The following TNNI3K variants were observed in gnomAD, a reference collection of about 807,000 sequenced individuals.
TNNI3K encodes TNNI3 interacting kinase.
Under a neutral mutation model 114.5 loss-of-function variants are expected in TNNI3K, and 140 were observed. The ratio of observed to expected loss-of-function variants is 1.22; its 90% CI spans 1.07 to 1.41. The LOEUF is 1.41. Ranked by LOEUF, TNNI3K falls within the 40% of genes most tolerant of loss-of-function variation. The probability of loss-of-function intolerance (pLI) is 0.00; values close to 1 mark genes in which losing one functional copy is unlikely to be tolerated. For missense variants in TNNI3K, 1,125 were observed against 1,007.6 expected (o/e 1.12, Z -1.58); for synonymous variants, 347 against 347.5 (o/e 1.00, Z 0.02).
At chr1:74,409,059 T>C (rs1040492464) in intron 17 of TNNI3K, among the ~76,000 whole-genome samples, 1 of 152,128 alleles carries the variant, frequency 6.6e-6, no homozygotes, top group Non-Finnish European at 1.5e-5. Context: ...TAAAATTACA[T>C]TGTCATGGCA....
In TNNI3K at chr1:74,456,994, A is replaced by G. The variant is rs145621043; in HGVS notation, c.2012-6447A>G. ...TTTACTACCCCTCCTTAAATATTAG[A>G]TGATTATGTCCTTTTCCACATATTA... On this transcript the variant is annotated intron_variant, in intron 20 of 24. Coordinates refer to ENST00000326637, the MANE Select transcript of TNNI3K (RefSeq NM_015978.3). Among the ~76,000 whole-genome samples the G allele has an allele frequency of 8.6e-3, 1,309 of 152,274 alleles. 22 individuals carry two copies. Among genetic ancestry groups the G allele is most frequent in the African/African-American group, 0.03 (1,231 of 41,560 alleles).
At chr1:74,362,581 G>A (rs1662025582) in intron 11 of TNNI3K, among the ~76,000 whole-genome samples, 1 of 152,034 alleles carries the variant, frequency 6.6e-6, no homozygotes, top group Non-Finnish European at 1.5e-5. Flanking sequence ...AACCTTATAG[G>A]GAGATAAATT....
intron 21 of TNNI3K, among the ~76,000 whole-genome samples, chr1:74,476,374 ATC>A (rs1477296221): frequency 6.6e-6 from 1 of 152,114 alleles, no homozygotes; most frequent in East Asian, 1.9e-4. Context: ...TATCCTCATT[ATC>A]TGTCTATCAC....
chr1:74,250,481 G>A (rs544354683), intron 3 of TNNI3K, among the ~76,000 whole-genome samples, 191 bp from the exon 4 acceptor site: 3 of 152,256 alleles, frequency 2.0e-5, no homozygotes, highest in African/African-American at 7.2e-5. Context: ...TTTGAATAAA[G>A]TTTTATAAAT....
intron 2 of TNNI3K, among the ~76,000 whole-genome samples, chr1:74,237,885 A>C (rs1653952339): frequency 6.6e-6 from 1 of 151,992 alleles, no homozygotes. Context: ...TGTGCCGAAT[A>C]ATATTAACTC....
rs141501124 is a variant in TNNI3K, at chr1:74,277,279, A to G, written c.444+5571A>G. On this transcript the variant is annotated intron_variant, in intron 5 of 24. Transcript: ENST00000326637. ...TACATGGGCATTCAGATGATAAATA[A>G]ATAAGCTGGATGGGACTCCAACCTG... Among the ~76,000 whole-genome samples the G allele has an allele frequency of 8.3e-4, 127 of 152,236 alleles. 2 individuals carry two copies. The East Asian group carries it at 0.021, about 25-fold the overall frequency.
intron 4 of TNNI3K, among the ~76,000 whole-genome samples, chr1:74,258,904 A>G (rs949490172): frequency 3.3e-5 from 5 of 152,218 alleles, no homozygotes; most frequent in Admixed American, 2.0e-4. Flanking sequence ...CTAGGAATCT[A>G]AATTTTTAAC....
chr1:74,518,385 ACAG>A (rs1344090400), intron 23 of TNNI3K, among the ~76,000 whole-genome samples: 1 of 152,110 alleles, frequency 6.6e-6, no homozygotes, highest in Non-Finnish European at 1.5e-5. Context: ...TGAGATTTCC[ACAG>A]CATTTTCGTT....
chr1:74,449,631 A>T (rs543515571), intron 20 of TNNI3K, among the ~76,000 whole-genome samples: 1 of 151,862 alleles, frequency 6.6e-6, no homozygotes, highest in East Asian at 1.9e-4. Flanking sequence ...CAGACTTTAA[A>T]CCAACAAAGA....
intron 20 of TNNI3K, among the ~76,000 whole-genome samples, chr1:74,457,753 G>C (rs775157665): frequency 6.6e-6 from 1 of 151,992 alleles, no homozygotes; most frequent in Non-Finnish European, 1.5e-5. Flanking sequence ...GTTACTTTAG[G>C]GATTGAGAAT....
chr1:74,516,812 G>A (rs1408712212), intron 23 of TNNI3K, among the ~76,000 whole-genome samples: 7 of 152,118 alleles, frequency 4.6e-5, no homozygotes, highest in Admixed American at 3.9e-4. Flanking sequence ...ACAAGTTAAG[G>A]CAGCTTACTT....
intron 23 of TNNI3K, among the ~76,000 whole-genome samples, chr1:74,504,414 C>A (rs926471661): frequency 1.3e-5 from 2 of 152,202 alleles, no homozygotes; most frequent in East Asian, 3.9e-4. Flanking sequence ...GACTTCACGC[C>A]GAACAAAGGT....
intron 5 of TNNI3K, among the ~76,000 whole-genome samples, chr1:74,329,054 G>A (rs1348882725): frequency 1.3e-5 from 2 of 152,094 alleles, no homozygotes; most frequent in East Asian, 3.9e-4. Flanking sequence ...ACTGACAGAT[G>A]GCTTCTTCCT....
chr1:74,324,221 C>A (rs1387077531), intron 5 of TNNI3K, among the ~76,000 whole-genome samples: 2 of 152,198 alleles, frequency 1.3e-5, no homozygotes, highest in East Asian at 1.9e-4. Flanking sequence ...TATTTACAGA[C>A]CTCCTTGTGG....
At chr1:74,527,882 G>A (rs1020833696) in intron 23 of TNNI3K, among the ~76,000 whole-genome samples, 2 of 152,224 alleles carry the variant, frequency 1.3e-5, no homozygotes, top group Admixed American at 1.3e-4. Context: ...GAATGTCTAT[G>A]TGGTGGATGG....
chr1:74,532,454 ATTTTTTTCT>A (rs1646600881), intron 23 of TNNI3K, among the ~76,000 whole-genome samples: 2 of 109,660 alleles, frequency 1.8e-5, no homozygotes, highest in Non-Finnish European at 3.5e-5. Flanking sequence ...TGCTATTATT[ATTTTTTTCT>A]TTTTTTTCTT....
At chr1:74,439,346 G>A in intron 19 of TNNI3K, 144 bp from the exon 20 acceptor site, 1 of 1,301,432 alleles carries the variant, frequency 7.7e-7, no homozygotes, top group African/African-American at 1.5e-5. Context: ...CACACTGAGG[G>A]CAATATGTAT....
At chr1:74,480,957 T>C (rs1352068270) in intron 21 of TNNI3K, 1 of 712,932 alleles carries the variant, frequency 1.4e-6, no homozygotes, top group African/African-American at 1.7e-5. Context: ...ACCCTCGTGG[T>C]CATAGGGGCT....
intron 2 of TNNI3K, among the ~76,000 whole-genome samples, chr1:74,246,809 G>A (rs1417124176): frequency 1.3e-5 from 2 of 152,124 alleles, no homozygotes; most frequent in African/African-American, 4.8e-5. Context: ...ATATTGTATA[G>A]CAATACCTGT....
Sources: gnomAD v4.1 joint callset for allele counts (sites outside exome capture counted in the v4.1 genomes callset) on GRCh38, gnomAD v4.1.1 for gene constraint, MANE v1.5 for transcripts, NCBI Gene and HGNC (gene_info 2026-07-23, HGNC 2026-07-21) for gene names.